Variants in CDH20 observed in about 807,000 individuals in gnomAD.
CDH20 encodes the protein cadherin-20.
Under a neutral mutation model 74.2 loss-of-function variants are expected in CDH20, and 29 were observed. The observed-to-expected ratio is 0.39, with a 90% CI of 0.29 to 0.53. The LOEUF (loss-of-function observed/expected upper bound fraction) is 0.53. CDH20 is among the 20% of genes least tolerant of loss of function. CDH20 has a pLI of 0.69. For synonymous variants in CDH20, 469 were observed against 405.4 expected (o/e 1.16, Z -1.88); for missense variants, 988 against 1,048.3 (o/e 0.94, Z 0.79).
intron 1 of CDH20, among the ~76,000 whole-genome samples, chr18:61,415,937 A>G (rs1483105064): frequency 6.6e-6 from 1 of 152,090 alleles, no homozygotes; most frequent in Non-Finnish European, 1.5e-5. Flanking sequence ...GAATTCCATG[A>G]TTCTTATGTC....
intron 1 of CDH20, among the ~76,000 whole-genome samples, chr18:61,384,839 T>C (rs1295748942): frequency 1.3e-5 from 2 of 152,156 alleles, no homozygotes; most frequent in African/African-American, 4.8e-5. Flanking sequence ...TACAAGAATA[T>C]CTATTAGTAT....
At chr18:61,396,023 C>G (rs1366431010) in intron 1 of CDH20, among the ~76,000 whole-genome samples, 5 of 144,822 alleles carry the variant, frequency 3.5e-5, no homozygotes, top group Non-Finnish European at 6.1e-5. Context: ...CATAGTATCT[C>G]TCCTGTGCAC....
At chr18:61,378,608 T>C (rs1004345599) in intron 1 of CDH20, among the ~76,000 whole-genome samples, 5 of 152,170 alleles carry the variant, frequency 3.3e-5, no homozygotes, top group Non-Finnish European at 5.9e-5. Flanking sequence ...AACACCCTCA[T>C]GAAGACATCC....
At position 61,447,283 on chromosome 18, in the gene CDH20, A is replaced by G. The variant is rs9961230; in HGVS notation, c.-152-43119A>G. On this transcript the variant is annotated intron_variant, in intron 1 of 11. Coordinates refer to ENST00000262717, the MANE Select transcript of CDH20 (RefSeq NM_031891.4). ...CCAGGAGATAGTTGGACATACAGCT[A>G]TGTTGCTCAGGAGAGAAATTTAAAC... 6.3e-3 allele frequency among the ~76,000 whole-genome samples: 965 copies of G among 152,344 alleles called. 9 individuals are homozygous for G. Among genetic ancestry groups the G allele is most frequent in the African/African-American group, 0.023 (943 of 41,580 alleles).
At chr18:61,492,745 C>T (rs1911004159) in intron 2 of CDH20, among the ~76,000 whole-genome samples, 1 of 152,220 alleles carries the variant, frequency 6.6e-6, no homozygotes, top group South Asian at 2.1e-4. Context: ...CTCTCTTTCA[C>T]AGCCCTAATC....
chr18:61,537,518 A>G (rs1281433735), intron 8 of CDH20, among the ~76,000 whole-genome samples: 1 of 152,214 alleles, frequency 6.6e-6, no homozygotes, highest in Non-Finnish European at 1.5e-5. Context: ...AACATATTCA[A>G]TGACAAAGGA....
chr18:61,436,221 G>A (rs1436125204), intron 1 of CDH20, among the ~76,000 whole-genome samples: 1 of 152,108 alleles, frequency 6.6e-6, no homozygotes, highest in Admixed American at 6.5e-5. Flanking sequence ...GAATAGCACT[G>A]CCATAAACAT....
At chr18:61,486,821 A>T (rs1910782507) in intron 1 of CDH20, among the ~76,000 whole-genome samples, 1 of 152,162 alleles carries the variant, frequency 6.6e-6, no homozygotes, top group South Asian at 2.1e-4. Context: ...TTCTATAGAG[A>T]TGTCATTTGA....
At chr18:61,421,492 G>T (rs998568882) in intron 1 of CDH20, among the ~76,000 whole-genome samples, 1 of 152,092 alleles carries the variant, frequency 6.6e-6, no homozygotes, top group African/African-American at 2.4e-5. Context: ...ATCTAATCAT[G>T]TCATTTATAA....
intron 1 of CDH20, among the ~76,000 whole-genome samples, chr18:61,472,566 A>T (rs1463943951): frequency 1.3e-5 from 2 of 152,242 alleles, no homozygotes; most frequent in East Asian, 3.8e-4. Flanking sequence ...AAAGTAAGTT[A>T]TAAAACTTTT....
At chr18:61,422,050 A>C (rs913711622) in intron 1 of CDH20, among the ~76,000 whole-genome samples, 9 of 152,328 alleles carry the variant, frequency 5.9e-5, no homozygotes, top group African/African-American at 2.2e-4. Context: ...CAAAAGAAGC[A>C]TACTGATTTG....
At chr18:61,444,451 T>C (rs1195311095) in intron 1 of CDH20, among the ~76,000 whole-genome samples, 2 of 152,194 alleles carry the variant, frequency 1.3e-5, no homozygotes, top group African/African-American at 4.8e-5. Flanking sequence ...TGGTATGGGA[T>C]ATGCTTGAAG....
At chr18:61,393,402 T>C (rs1000178688) in intron 1 of CDH20, among the ~76,000 whole-genome samples, 3 of 152,202 alleles carry the variant, frequency 2.0e-5, no homozygotes, top group Non-Finnish European at 4.4e-5. Flanking sequence ...TATCTGTCAA[T>C]GCAGTGAAGA....
At chr18:61,538,437 C>G (rs1439476590) in intron 8 of CDH20, among the ~76,000 whole-genome samples, 1 of 151,940 alleles carries the variant, frequency 6.6e-6, no homozygotes, top group Admixed American at 6.6e-5. Context: ...CAAAGGTTCA[C>G]CAACACACAC....
intron 1 of CDH20, among the ~76,000 whole-genome samples, chr18:61,400,232 A>G (rs1385920117): frequency 6.6e-6 from 1 of 152,208 alleles, no homozygotes; most frequent in East Asian, 1.9e-4. Flanking sequence ...TCAGAAGAAG[A>G]AAACATCACA....
At chr18:61,449,139 C>A (rs1909296995) in intron 1 of CDH20, among the ~76,000 whole-genome samples, 1 of 152,208 alleles carries the variant, frequency 6.6e-6, no homozygotes, top group South Asian at 2.1e-4. Flanking sequence ...AACCCTCCAC[C>A]TTTACCACTC....
At chr18:61,451,641 C>A (rs1909390424) in intron 1 of CDH20, among the ~76,000 whole-genome samples, 1 of 151,896 alleles carries the variant, frequency 6.6e-6, no homozygotes, top group African/African-American at 2.4e-5. Context: ...TAACAATAAG[C>A]CACATATCAG....
chr18:61,417,384 C>A (rs1912720865), intron 1 of CDH20, among the ~76,000 whole-genome samples: 1 of 151,654 alleles, frequency 6.6e-6, no homozygotes, highest in African/African-American at 2.4e-5. Context: ...AAGGAATCAA[C>A]CTAAGTGTCC....
At chr18:61,355,853 A>G (rs1910480688) in intron 1 of CDH20, among the ~76,000 whole-genome samples, 1 of 152,220 alleles carries the variant, frequency 6.6e-6, no homozygotes, top group African/African-American at 2.4e-5. Flanking sequence ...AATGTAGTAA[A>G]AAGTCAGATA....
Sources: gnomAD v4.1 joint callset for allele counts (sites outside exome capture counted in the v4.1 genomes callset) on GRCh38, gnomAD v4.1.1 for gene constraint, MANE v1.5 for transcripts, NCBI Gene and HGNC (gene_info 2026-07-23, HGNC 2026-07-21) for gene names.